The following TYR variants were observed in gnomAD, a reference collection of about 807,000 sequenced individuals.
The protein encoded by TYR is tyrosinase.
TYR carries 58 observed loss-of-function variants against 51.5 expected under a neutral mutation model. The ratio of observed to expected loss-of-function variants is 1.13; its 90% CI spans 0.91 to 1.40. The LOEUF (loss-of-function observed/expected upper bound fraction) is 1.40, where lower values mean the gene tolerates loss of function less well. TYR is among the 40% of genes most tolerant of loss of function. The probability of loss-of-function intolerance (pLI) is 0.00; values close to 1 mark genes in which losing one functional copy is unlikely to be tolerated. For synonymous variants in TYR, 263 were observed against 235.2 expected, an observed-to-expected ratio of 1.12 and a Z score of -1.08; for missense variants, 732 against 647.4, an observed-to-expected ratio of 1.13 and a Z score of -1.42.
At position 89,233,861 on chromosome 11, in the gene TYR, T is replaced by C. The variant is rs1295658694; in HGVS notation, c.1184+5891T>C. Among the ~76,000 whole-genome samples, 3 of 107,778 alleles carry C rather than the reference T, an allele frequency of 2.8e-5. 1 individual carries two copies. Among genetic ancestry groups the C allele is most frequent in the Non-Finnish European group, 5.2e-5 (3 of 57,456 alleles). 70.7% of individuals were successfully genotyped at this position (107,778 alleles called of 152,430 possible). The stretch of plus-strand genomic sequence containing the variant: ...CAACAAAGGCAGAGTAGATTTAGAG[T>C]ATTTCATAATGGGAGTTTCAGACCA... On this transcript the variant is annotated intron_variant, in intron 3 of 4. Coordinates refer to ENST00000263321, the MANE Select transcript of TYR (RefSeq NM_000372.5).
intron 1 of TYR, among the ~76,000 whole-genome samples, chr11:89,179,631 G>A (rs1463996577): frequency 6.6e-6 from 1 of 152,054 alleles, no homozygotes; most frequent in Non-Finnish European, 1.5e-5. Context: ...TGACTGCTGT[G>A]ATATCTTTAG....
intron 3 of TYR, among the ~76,000 whole-genome samples, chr11:89,270,325 G>C (rs1944573561): frequency 6.6e-6 from 1 of 151,786 alleles, no homozygotes; most frequent in Non-Finnish European, 1.5e-5. Flanking sequence ...CACCAAAGGG[G>C]CACCTTGACC....
chr11:89,250,883 A>T (rs1944324313), intron 3 of TYR, among the ~76,000 whole-genome samples: 1 of 152,010 alleles, frequency 6.6e-6, no homozygotes, highest in African/African-American at 2.4e-5. Flanking sequence ...ATGAAAGTCA[A>T]ACAGTAGTGG....
intron 4 of TYR, among the ~76,000 whole-genome samples, chr11:89,290,148 C>T: frequency 6.6e-6 from 1 of 151,758 alleles, no homozygotes; most frequent in South Asian, 2.1e-4. Context: ...GAATGGATGA[C>T]AAGAAAAATA....
chr11:89,278,531 G>A (rs977403839), intron 3 of TYR, among the ~76,000 whole-genome samples: 3 of 151,612 alleles, frequency 2.0e-5, no homozygotes, highest in African/African-American at 7.3e-5. Flanking sequence ...GGTGGTAGAT[G>A]TGTTACAACG....
chr11:89,234,714 A>T (rs1482173954), intron 3 of TYR, among the ~76,000 whole-genome samples: 1 of 150,874 alleles, frequency 6.6e-6, no homozygotes, highest in Non-Finnish European at 1.5e-5. Flanking sequence ...GTTAGAACAC[A>T]TGCATTTATT....
At chr11:89,237,976 C>T (rs2135289019) in intron 3 of TYR, among the ~76,000 whole-genome samples, 1 of 152,088 alleles carries the variant, frequency 6.6e-6, no homozygotes. Flanking sequence ...GCTGGGATTA[C>T]AGGCACACAC....
intron 2 of TYR, among the ~76,000 whole-genome samples, chr11:89,207,842 T>C (rs571140622): frequency 6.6e-5 from 10 of 152,204 alleles, no homozygotes; most frequent in Non-Finnish European, 1.5e-4. Flanking sequence ...ACCAATATCC[T>C]AGCTGTGATA....
At chr11:89,259,378 T>C (rs1182145788) in intron 3 of TYR, among the ~76,000 whole-genome samples, 8 of 152,030 alleles carry the variant, frequency 5.3e-5, no homozygotes, top group Non-Finnish European at 2.9e-5. Context: ...CTCAAGAAGG[T>C]TGACACTATT....
intron 2 of TYR, among the ~76,000 whole-genome samples, chr11:89,192,838 C>A: frequency 6.6e-6 from 1 of 152,110 alleles, no homozygotes; most frequent in Non-Finnish European, 1.5e-5. Context: ...TTATTATTCC[C>A]ACTTTTAAGG....
At chr11:89,212,375 A>G (rs1943770472) in intron 2 of TYR, among the ~76,000 whole-genome samples, 1 of 152,194 alleles carries the variant, frequency 6.6e-6, no homozygotes, top group Non-Finnish European at 1.5e-5. Flanking sequence ...CACCCTCCCA[A>G]GACTAAACCA....
intron 3 of TYR, among the ~76,000 whole-genome samples, chr11:89,254,213 T>C (rs1314088246): frequency 6.6e-6 from 1 of 151,862 alleles, no homozygotes; most frequent in Non-Finnish European, 1.5e-5. Flanking sequence ...GATATGCTGT[T>C]TGATTCAGTT....
chr11:89,277,254 GA>G (rs1239854197), intron 3 of TYR, among the ~76,000 whole-genome samples: 4 of 151,386 alleles, frequency 2.6e-5, no homozygotes, highest in Admixed American at 1.3e-4. Flanking sequence ...AATAATAAAA[GA>G]AAAAAAATTT....
At chr11:89,259,785 C>G (rs1944436009) in intron 3 of TYR, among the ~76,000 whole-genome samples, 1 of 152,096 alleles carries the variant, frequency 6.6e-6, no homozygotes, top group Non-Finnish European at 1.5e-5. Flanking sequence ...GGACAATCAT[C>G]AATGCATAAT....
chr11:89,283,648 T>A (rs1193234553), intron 3 of TYR: 1 of 151,818 alleles, frequency 6.6e-6, no homozygotes, highest in Non-Finnish European at 1.5e-5. Flanking sequence ...GAGCTAGGCC[T>A]CAAGAAGAGT....
chr11:89,179,414 T>G (rs1192509303), intron 1 of TYR, among the ~76,000 whole-genome samples: 1 of 152,228 alleles, frequency 6.6e-6, no homozygotes, highest in African/African-American at 2.4e-5. Context: ...TAATATTCAT[T>G]GAACATCTAG....
intron 3 of TYR, among the ~76,000 whole-genome samples, chr11:89,239,450 CT>C (rs541953772): frequency 6.6e-6 from 1 of 151,684 alleles, no homozygotes; most frequent in Admixed American, 6.6e-5. Flanking sequence ...TTTGCATCTT[CT>C]TTTTTTTCTT....
chr11:89,195,431 C>A (rs1363433860), intron 2 of TYR, among the ~76,000 whole-genome samples: 1 of 152,106 alleles, frequency 6.6e-6, no homozygotes, highest in Non-Finnish European at 1.5e-5. Flanking sequence ...GTAAACCCAG[C>A]AATTTGGAAG....
At chr11:89,204,172 C>A (rs1474100943) in intron 2 of TYR, among the ~76,000 whole-genome samples, 2 of 152,276 alleles carry the variant, frequency 1.3e-5, no homozygotes, top group Non-Finnish European at 1.5e-5. Flanking sequence ...GGTCTTCTAG[C>A]ACTGTCTAGT....
Sources: allele counts gnomAD v4.1 joint callset (sites outside exome capture counted in the v4.1 genomes callset), GRCh38; gene constraint gnomAD v4.1.1; transcripts MANE v1.5; gene names NCBI Gene and HGNC (gene_info 2026-07-23, HGNC 2026-07-21).